The following PARN variants were observed in gnomAD, a reference collection of about 807,000 sequenced individuals.
PARN encodes poly(A)-specific ribonuclease PARN.
A neutral mutation model predicts 102.8 loss-of-function variants in PARN; 71 were observed. That is an observed-to-expected ratio of 0.69 (90% CI 0.57 to 0.84). The LOEUF (loss-of-function observed/expected upper bound fraction) is 0.84, where lower values mean the gene tolerates loss of function less well. PARN is among the 40% of genes least tolerant of loss of function. PARN has a pLI of 0.00. For synonymous variants in PARN, 261 were observed against 252.9 expected (o/e 1.03, Z -0.30); for missense variants, 782 against 760.9 (o/e 1.03, Z -0.33).
At chr16:14,479,456 A>G (rs555934008) in intron 22 of PARN, among the ~76,000 whole-genome samples, 1 of 152,152 alleles carries the variant, frequency 6.6e-6, no homozygotes, top group African/African-American at 2.4e-5. Context: ...GAAAACTAAC[A>G]TAAAATATAC....
intron 12 of PARN, 114 bp from the exon 13 acceptor site, chr16:14,593,492 T>TAAAAAAAAAAGAAAAA (rs1970322804): frequency 3.2e-5 from 1 of 31,590 alleles, no homozygotes; most frequent in Non-Finnish European, 5.4e-5. Flanking sequence ...TTTCCAGACT[T>TAAAAAAAAAAGAAAAA]AAAAAAAAAA....
chr16:14,570,321 C>CAAA (rs59965954), intron 18 of PARN, among the ~76,000 whole-genome samples: 7 of 63,066 alleles, frequency 1.1e-4, no homozygotes, highest in East Asian at 6.1e-4. Flanking sequence ...GACTCTGTCT[C>CAAA]AAAAAAAAAA....
At chr16:14,466,345 T>A (rs936093684) in intron 22 of PARN, among the ~76,000 whole-genome samples, 4 of 152,210 alleles carry the variant, frequency 2.6e-5, no homozygotes, top group Non-Finnish European at 5.9e-5. Context: ...TATTTTTTTT[T>A]AAATGTCAAG....
intron 19 of PARN, 54 bp from the exon 20 acceptor site, chr16:14,554,205 C>T: frequency 1.7e-6 from 2 of 1,202,006 alleles, no homozygotes; most frequent in South Asian, 1.3e-5. Flanking sequence ...ATCAAGTAAA[C>T]CAGTGACTCT....
intron 22 of PARN, among the ~76,000 whole-genome samples, chr16:14,462,938 G>C (rs945494666): frequency 6.6e-6 from 1 of 152,356 alleles, no homozygotes; most frequent in East Asian, 1.9e-4. Context: ...GGTGAACCCA[G>C]TGACTGCCCC....
chr16:14,608,276 C>T lies in PARN; in HGVS notation c.659+5G>A. On this transcript the variant is annotated splice_donor_5th_base_variant and intron_variant, in intron 9 of 23. Transcript: ENST00000437198. Reference sequence around the variant, plus strand: ...AGAGCTGCTGCATACAATATAAATACTTACTTCCAGCTCAAAGTCTGATAA... The same window carrying T: ...AGAGCTGCTGCATACAATATAAATATTTACTTCCAGCTCAAAGTCTGATAA... 6.5e-7 allele frequency: 1 copy of T among 1,528,828 alleles called. No individual in the cohort carries two copies. The highest frequency in any genetic ancestry group is 8.9e-7 in the Non-Finnish European group (1 of 1,128,358). 94.7% of individuals were successfully genotyped at this position (1,528,828 alleles called of 1,614,324 possible). A position where few individuals can be genotyped will look rare whatever the true frequency, so the allele number is the denominator to read the frequency against.
At chr16:14,617,524 A>G in intron 6 of PARN, 66 bp downstream of exon 6, 1 of 844,746 alleles carries the variant, frequency 1.2e-6, no homozygotes, top group East Asian at 2.4e-5. Context: ...AACCAAGTTC[A>G]GACTTACTTC....
At chr16:14,529,574 TATC>T (rs1230802495) in intron 21 of PARN, among the ~76,000 whole-genome samples, 1 of 152,096 alleles carries the variant, frequency 6.6e-6, no homozygotes, top group African/African-American at 2.4e-5. Context: ...AGAAATTCCT[TATC>T]ATGTCATCAG....
At chr16:14,457,035 T>A (rs1458582151) in intron 22 of PARN, among the ~76,000 whole-genome samples, 1 of 152,130 alleles carries the variant, frequency 6.6e-6, no homozygotes, top group Non-Finnish European at 1.5e-5. Context: ...TGGCATAGAG[T>A]AAGTCCTTGG....
chr16:14,532,697 G>T (rs1224635918), intron 21 of PARN, among the ~76,000 whole-genome samples: 1 of 151,892 alleles, frequency 6.6e-6, no homozygotes, highest in Non-Finnish European at 1.5e-5. Context: ...CTCCCAGACG[G>T]GGGGGCGACC....
chr16:14,525,202 G>A (rs1965932960), intron 21 of PARN, among the ~76,000 whole-genome samples: 1 of 152,164 alleles, frequency 6.6e-6, no homozygotes, highest in South Asian at 2.1e-4. Context: ...TACAGATGAG[G>A]AAGTAAATGC....
chr16:14,541,195 T>TA (rs1017543024), intron 21 of PARN, among the ~76,000 whole-genome samples: 2 of 151,656 alleles, frequency 1.3e-5, no homozygotes, highest in African/African-American at 2.4e-5. Context: ...AATAACTTTT[T>TA]AAAAAATCAA....
chr16:14,534,623 G>GA (rs1966531661), intron 21 of PARN, among the ~76,000 whole-genome samples: 1 of 151,852 alleles, frequency 6.6e-6, no homozygotes, highest in Admixed American at 6.6e-5. Context: ...AGACTGATGG[G>GA]AAAAATCTCA....
At chr16:14,446,836 G>C (rs1961220203) in intron 23 of PARN, 52 bp downstream of exon 23, 3 of 1,321,630 alleles carry the variant, frequency 2.3e-6, no homozygotes, top group Non-Finnish European at 2.1e-6. Flanking sequence ...GGAGTTTCTA[G>C]AGCATTTAAA....
At position 14,435,789 on chromosome 16, in the gene PARN, T is replaced by A. The variant is rs935036053; in HGVS notation, c.*928A>T. The A allele has an allele frequency of 6.6e-6, 1 of 151,996 alleles. No individual in the cohort carries two copies. The highest frequency in any genetic ancestry group is 2.1e-4 in the South Asian group (1 of 4,810). 9.4% of individuals were successfully genotyped at this position (151,996 alleles called of 1,614,324 possible). ...TACAAAAATGTGAAATATCTAACAA[T>A]GATCTATCTGAAGCGGGTGGAGCAA... is the stretch of plus-strand genomic sequence containing the variant. On this transcript the variant is annotated 3_prime_UTR_variant, in exon 24 of 24. Transcript: ENST00000437198.
At chr16:14,513,447 C>T (rs1226774588) in intron 21 of PARN, among the ~76,000 whole-genome samples, 1 of 152,152 alleles carries the variant, frequency 6.6e-6, no homozygotes, top group African/African-American at 2.4e-5. Context: ...AAAATCCTGT[C>T]TTCATTACAC....
chr16:14,511,242 G>T (rs758158985), intron 21 of PARN, among the ~76,000 whole-genome samples: 4 of 152,148 alleles, frequency 2.6e-5, no homozygotes, highest in Admixed American at 6.5e-5. Flanking sequence ...AGGGTGATGA[G>T]TCCAAGGTCT....
intron 9 of PARN, among the ~76,000 whole-genome samples, chr16:14,607,081 AG>A (rs1971233272): frequency 6.6e-6 from 1 of 151,774 alleles, no homozygotes; most frequent in African/African-American, 2.4e-5. Context: ...GCGCCTGACC[AG>A]GACTTAGGCA....
At chr16:14,621,640 G>A (rs983701256) in intron 5 of PARN, among the ~76,000 whole-genome samples, 2 of 151,790 alleles carry the variant, frequency 1.3e-5, no homozygotes, top group South Asian at 2.1e-4. Context: ...TGAAAACCCT[G>A]TCTCTACTAA....
Sources: gnomAD v4.1 joint callset for allele counts (sites outside exome capture counted in the v4.1 genomes callset) on GRCh38, gnomAD v4.1.1 for gene constraint, MANE v1.5 for transcripts, NCBI Gene and HGNC (gene_info 2026-07-23, HGNC 2026-07-21) for gene names.